The following SYBU variants were observed in gnomAD, a reference collection of about 807,000 sequenced individuals.
SYBU encodes GOLSYN A protein.
In SYBU, 21 loss-of-function variants were observed where a neutral mutation model predicts 35.9. That is an observed-to-expected ratio of 0.58 (90% CI 0.41 to 0.84). The LOEUF is 0.84. Ranked by LOEUF, SYBU falls within the 40% of genes least tolerant of loss-of-function variation. The pLI, the probability that SYBU is intolerant of heterozygous loss-of-function variation, is 0.00. For synonymous variants in SYBU, 319 were observed against 324.3 expected, an observed-to-expected ratio of 0.98 and a Z score of 0.18; for missense variants, 768 against 848.2, an observed-to-expected ratio of 0.91 and a Z score of 1.17.
intron 3 of SYBU, among the ~76,000 whole-genome samples, chr8:109,588,302 G>A (rs981415095): frequency 1.3e-5 from 2 of 152,098 alleles, no homozygotes; most frequent in African/African-American, 4.8e-5. Context: ...TCTGATCTGT[G>A]GTAATTATGT....
chr8:109,608,620 C>G (rs560596452), intron 3 of SYBU, among the ~76,000 whole-genome samples: 2 of 152,180 alleles, frequency 1.3e-5, no homozygotes, highest in Admixed American at 6.5e-5. Flanking sequence ...GTTTAGTAAG[C>G]TTCCACCAAA....
chr8:109,660,532 CA>C (rs1201246425), intron 1 of SYBU, among the ~76,000 whole-genome samples: 1 of 152,074 alleles, frequency 6.6e-6, no homozygotes, highest in Non-Finnish European at 1.5e-5. Context: ...GCCTGTTTAC[CA>C]GATTACTATC....
chr8:109,685,462 C>T (rs1817499248), upstream of SYBU, among the ~76,000 whole-genome samples: 1 of 152,182 alleles, frequency 6.6e-6, no homozygotes. Flanking sequence ...TTTGTGCACT[C>T]ACTATGAGTT....
At chr8:109,607,576 A>G (rs544318859) in intron 3 of SYBU, among the ~76,000 whole-genome samples, 1 of 152,350 alleles carries the variant, frequency 6.6e-6, no homozygotes, top group Admixed American at 6.5e-5. Flanking sequence ...GCAACATGCA[A>G]TGCTCATGGT....
intron 1 of SYBU, among the ~76,000 whole-genome samples, chr8:109,666,632 T>A (rs987079382): frequency 2.0e-5 from 3 of 152,100 alleles, no homozygotes; most frequent in Non-Finnish European, 4.4e-5. Flanking sequence ...TCCTTGCTAT[T>A]TGGGAGACCA....
intron 2 of SYBU, among the ~76,000 whole-genome samples, chr8:109,634,034 A>G (rs879883842): frequency 2.0e-5 from 3 of 152,132 alleles, no homozygotes; most frequent in Admixed American, 6.5e-5. Flanking sequence ...GCAACTGGAT[A>G]TAATTACCTT....
At chr8:109,623,051 A>G (rs13253969) in intron 2 of SYBU, among the ~76,000 whole-genome samples, 40,137 of 151,882 alleles carry the variant, frequency 0.26, 5,528 homozygotes, top group East Asian at 0.41. Context: ...ACACACACAA[A>G]CGCACACCCC....
chr8:109,686,287 C>A (rs1301463973), intron 1 of SYBU, among the ~76,000 whole-genome samples: 1 of 152,062 alleles, frequency 6.6e-6, no homozygotes, highest in Non-Finnish European at 1.5e-5. Context: ...AATTTAAAAA[C>A]AACTTTATTA....
At chr8:109,576,931 G>A (rs1822391200) in intron 6 of SYBU, among the ~76,000 whole-genome samples, 1 of 152,002 alleles carries the variant, frequency 6.6e-6, no homozygotes, top group Admixed American at 6.6e-5. Flanking sequence ...CCTTCCTCGA[G>A]TGCTCCAATC....
At chr8:109,631,306 G>A (rs1327917041) in intron 2 of SYBU, among the ~76,000 whole-genome samples, 1 of 152,216 alleles carries the variant, frequency 6.6e-6, no homozygotes, top group East Asian at 1.9e-4. Flanking sequence ...ACTAAGACAT[G>A]TAACTTACAT....
At chr8:109,667,381 G>A (rs1411266073) in intron 1 of SYBU, among the ~76,000 whole-genome samples, 1 of 151,942 alleles carries the variant, frequency 6.6e-6, no homozygotes, top group Non-Finnish European at 1.5e-5. Flanking sequence ...AAAGTGCTGG[G>A]ATTACCAATG....
upstream of SYBU, chr8:109,645,847 C>G (rs1424018653): frequency 1.3e-5 from 2 of 159,538 alleles, no homozygotes; most frequent in Non-Finnish European, 2.8e-5. Context: ...TCAAATTTAC[C>G]CTTGTTAAAT....
upstream of SYBU, among the ~76,000 whole-genome samples, chr8:109,683,299 C>G (rs1346071646): frequency 6.6e-6 from 1 of 152,152 alleles, no homozygotes; most frequent in Non-Finnish European, 1.5e-5. Context: ...CAGAGCTGCC[C>G]AAGGTCATGG....
At chr8:109,642,513 C>T (rs1815019811) in intron 2 of SYBU, among the ~76,000 whole-genome samples, 1 of 152,152 alleles carries the variant, frequency 6.6e-6, no homozygotes, top group Non-Finnish European at 1.5e-5. Context: ...GCTAGAATAA[C>T]ATATGAAAAT....
intron 2 of SYBU, among the ~76,000 whole-genome samples, chr8:109,635,469 A>G (rs1563748637): frequency 6.6e-6 from 1 of 152,090 alleles, no homozygotes; most frequent in South Asian, 2.1e-4. Context: ...CCCACTAGTA[A>G]TATTATCAAA....
intron 3 of SYBU, among the ~76,000 whole-genome samples, chr8:109,612,805 C>T (rs1485453881): frequency 6.6e-6 from 1 of 152,048 alleles, no homozygotes; most frequent in East Asian, 1.9e-4. Flanking sequence ...CATGGTGAAA[C>T]CCCGTCTCTA....
At chr8:109,613,580 G>T (rs1319208518) in intron 3 of SYBU, among the ~76,000 whole-genome samples, 2 of 151,524 alleles carry the variant, frequency 1.3e-5, no homozygotes, top group East Asian at 3.9e-4. Context: ...CCCAAGATAG[G>T]ACAAGTTAGG....
At chr8:109,610,327 G>A (rs1586821310) in intron 3 of SYBU, among the ~76,000 whole-genome samples, 1 of 152,216 alleles carries the variant, frequency 6.6e-6, no homozygotes, top group African/African-American at 2.4e-5. Flanking sequence ...TGTCAGCATA[G>A]AGCAAACACT....
chr8:109,623,782 T>C (rs916985085), intron 2 of SYBU, among the ~76,000 whole-genome samples: 1 of 152,180 alleles, frequency 6.6e-6, no homozygotes, highest in African/African-American at 2.4e-5. Context: ...TCTGTTGAGG[T>C]TGTTAAAATT....
Sources: allele counts gnomAD v4.1 joint callset (sites outside exome capture counted in the v4.1 genomes callset), GRCh38; gene constraint gnomAD v4.1.1; transcripts MANE v1.5; gene names NCBI Gene and HGNC (gene_info 2026-07-23, HGNC 2026-07-21).